TFAP2D: variants seen among roughly 807,000 people sequenced by gnomAD.
The protein encoded by TFAP2D is transcription factor AP-2 delta.
TFAP2D carries 9 observed loss-of-function variants against 43.6 expected under a neutral mutation model. That is an observed-to-expected ratio of 0.21 (90% confidence interval 0.12 to 0.36). The LOEUF (loss-of-function observed/expected upper bound fraction) is 0.36. TFAP2D is among the 10% of genes least tolerant of loss of function. TFAP2D has a pLI of 1.00. For synonymous variants in TFAP2D, 256 were observed against 224.9 expected (o/e 1.14, Z -1.24); for missense variants, 513 against 561.4 (o/e 0.91, Z 0.87).
intron 6 of TFAP2D, among the ~76,000 whole-genome samples, chr6:50,749,704 C>A (rs754513960): frequency 6.6e-6 from 1 of 151,826 alleles, no homozygotes; most frequent in Non-Finnish European, 1.5e-5. Context: ...GGCAATACAC[C>A]TGAAAACAGG....
At chr6:50,744,508 G>C (rs1178859945) in intron 5 of TFAP2D, among the ~76,000 whole-genome samples, 1 of 152,122 alleles carries the variant, frequency 6.6e-6, no homozygotes, top group Non-Finnish European at 1.5e-5. Context: ...TTGTTTTCCA[G>C]ATTGATTTTC....
chr6:50,771,015 G>C (rs537660502), intron 7 of TFAP2D, among the ~76,000 whole-genome samples: 1 of 152,068 alleles, frequency 6.6e-6, no homozygotes, highest in Non-Finnish European at 1.5e-5. Context: ...GAACAATCTG[G>C]GTAGCTTCTG....
chr6:50,765,569 G>A (rs1436383998), intron 7 of TFAP2D, among the ~76,000 whole-genome samples: 1 of 152,286 alleles, frequency 6.6e-6, no homozygotes, highest in South Asian at 2.1e-4. Context: ...CAAATGTGAA[G>A]TGATATCTCA....
chr6:50,753,617 G>C (rs960222907), intron 7 of TFAP2D, among the ~76,000 whole-genome samples: 1 of 73,858 alleles, frequency 1.4e-5, no homozygotes, highest in Non-Finnish European at 3.2e-5. Flanking sequence ...AAAAGAAAGT[G>C]AGATTATATT....
Position 50,729,284 on chromosome 6 carries a change from T to C in TFAP2D, c.855T>C (p.Asn285=). The C allele has an allele frequency of 6.2e-7, 1 of 1,613,952 alleles. No individual in the cohort carries two copies. Among genetic ancestry groups the C allele is most frequent in the Non-Finnish European group, 8.5e-7 (1 of 1,179,832 alleles). The change falls in exon 5 of 8, where the codon AAT becomes AAC. Residue 285 remains asparagine (N), a synonymous_variant. Coordinates refer to ENST00000008391, the MANE Select transcript of TFAP2D (RefSeq NM_172238.4). Reference sequence around the variant, plus strand: ...CAGCAGGAAGACGGAAAGCAGCTAATGTCACCCTCCTTACTTCCTTGGTTG... The same window carrying C: ...CAGCAGGAAGACGGAAAGCAGCTAACGTCACCCTCCTTACTTCCTTGGTTG... ...NLPAGRRKAA[N]VTLLTSLVEG... is the part of the protein sequence containing the mutation.
intron 2 of TFAP2D, among the ~76,000 whole-genome samples, chr6:50,716,702 T>C (rs754981797): frequency 6.6e-5 from 10 of 152,230 alleles, no homozygotes; most frequent in Non-Finnish European, 1.2e-4. Flanking sequence ...TTAGCTCCTT[T>C]TAGCTAAAAG....
intron 1 of TFAP2D, 64 bp from the exon 2 acceptor site, chr6:50,715,052 C>T (rs45599639): frequency 1.3e-6 from 2 of 1,561,944 alleles, no homozygotes; most frequent in Admixed American, 3.5e-5. Flanking sequence ...GAGAGCGGCG[C>T]CTTGGTTGCA....
At chr6:50,734,178 T>A (rs748118698) in intron 5 of TFAP2D, among the ~76,000 whole-genome samples, 4 of 152,044 alleles carry the variant, frequency 2.6e-5, no homozygotes, top group Non-Finnish European at 4.4e-5. Context: ...TCTCAGACCC[T>A]ATCTTGGACA....
chr6:50,749,884 G>A (rs947018100), intron 6 of TFAP2D, among the ~76,000 whole-genome samples: 1 of 151,846 alleles, frequency 6.6e-6, no homozygotes, highest in Non-Finnish European at 1.5e-5. Flanking sequence ...TTATTTCACT[G>A]AAGCAGATAA....
intron 1 of TFAP2D, among the ~76,000 whole-genome samples, chr6:50,714,591 T>A (rs889180535): frequency 2.0e-5 from 3 of 152,176 alleles, no homozygotes; most frequent in South Asian, 2.1e-4. Context: ...CTGGATTTTT[T>A]AAAATATATG....
chr6:50,725,234 C>T (rs554960430), intron 3 of TFAP2D, among the ~76,000 whole-genome samples: 1 of 152,286 alleles, frequency 6.6e-6, no homozygotes, highest in South Asian at 2.1e-4. Context: ...AGCCAGAAGT[C>T]TCTGGCTGAC....
intron 5 of TFAP2D, among the ~76,000 whole-genome samples, chr6:50,739,901 A>C (rs1329774210): frequency 6.6e-6 from 1 of 152,194 alleles, no homozygotes; most frequent in African/African-American, 2.4e-5. Context: ...CAAAAGCAAC[A>C]TCAAACTAGT....
chr6:50,718,080 C>T (rs1201515051), intron 2 of TFAP2D: 1 of 152,054 alleles, frequency 6.6e-6, no homozygotes, highest in African/African-American at 2.4e-5. Context: ...AACTGTCACA[C>T]CTTTTCCCAT....
At chr6:50,757,749 AT>A (rs1243729160) in intron 7 of TFAP2D, among the ~76,000 whole-genome samples, 2 of 69,964 alleles carry the variant, frequency 2.9e-5, no homozygotes, top group South Asian at 3.7e-4. Flanking sequence ...AATATATATA[AT>A]TATTCTATAT....
chr6:50,741,837 AC>A (rs1036921925), intron 5 of TFAP2D, among the ~76,000 whole-genome samples: 1 of 151,480 alleles, frequency 6.6e-6, no homozygotes, highest in African/African-American at 2.4e-5. Flanking sequence ...TGGCAGCCAT[AC>A]TTGCTGTTTG....
intron 7 of TFAP2D, among the ~76,000 whole-genome samples, chr6:50,767,997 C>T (rs1430607072): frequency 1.3e-5 from 2 of 152,170 alleles, no homozygotes; most frequent in African/African-American, 4.8e-5. Flanking sequence ...ATTTTGACTG[C>T]CTATTTCAAA....
intron 5 of TFAP2D, among the ~76,000 whole-genome samples, chr6:50,731,573 C>T (rs1768894014): frequency 6.6e-6 from 1 of 151,954 alleles, no homozygotes; most frequent in Non-Finnish European, 1.5e-5. Context: ...ACATTTATTT[C>T]ACAACTCACT....
chr6:50,742,311 AG>A (rs1295822773), intron 5 of TFAP2D, among the ~76,000 whole-genome samples: 2 of 152,074 alleles, frequency 1.3e-5, no homozygotes, highest in African/African-American at 2.4e-5. Context: ...AACAGAACTG[AG>A]GGAAGGAAGG....
At chr6:50,722,616 C>A (rs1458171913) in intron 3 of TFAP2D, among the ~76,000 whole-genome samples, 1 of 151,850 alleles carries the variant, frequency 6.6e-6, no homozygotes, top group Non-Finnish European at 1.5e-5. Context: ...AATAAGTGAA[C>A]AATGTTGATG....
Sources: allele counts gnomAD v4.1 joint callset (sites outside exome capture counted in the v4.1 genomes callset), GRCh38; gene constraint gnomAD v4.1.1; transcripts MANE v1.5; gene names NCBI Gene and HGNC (gene_info 2026-07-23, HGNC 2026-07-21).